The following DENND1B variants were observed in gnomAD, a reference collection of about 807,000 sequenced individuals.
DENND1B encodes the protein DENN domain containing 1B.
DENND1B carries 59 observed loss-of-function variants against 90.1 expected under a neutral mutation model. The observed-to-expected ratio is 0.65, with a 90% CI of 0.53 to 0.81. The LOEUF is 0.81. DENND1B is among the 40% of genes least tolerant of loss of function. The pLI is 0.00. For missense variants in DENND1B, 862 were observed against 912.6 expected, an observed-to-expected ratio of 0.94 and a Z score of 0.71; for synonymous variants, 337 against 324.6, an observed-to-expected ratio of 1.04 and a Z score of -0.41.
intron 10 of DENND1B, among the ~76,000 whole-genome samples, chr1:197,626,897 C>T (rs1471130775): frequency 2.0e-5 from 3 of 152,102 alleles, no homozygotes. Flanking sequence ...ATACTACAAA[C>T]ACCTCTACGC....
chr1:197,678,759 TC>T (rs1656346163), intron 3 of DENND1B, among the ~76,000 whole-genome samples: 1 of 152,150 alleles, frequency 6.6e-6, no homozygotes, highest in Non-Finnish European at 1.5e-5. Context: ...AGTGTTCTGC[TC>T]CCACTTATGA....
chr1:197,773,387 A>T (rs1656863545), intron 1 of DENND1B, among the ~76,000 whole-genome samples: 2 of 152,196 alleles, frequency 1.3e-5, no homozygotes, highest in Admixed American at 1.3e-4. Context: ...TCTCCAAAGG[A>T]CTTGCAATAT....
chr1:197,627,297 G>A (rs747569925), intron 10 of DENND1B, among the ~76,000 whole-genome samples: 3 of 152,176 alleles, frequency 2.0e-5, no homozygotes, highest in East Asian at 1.9e-4. Context: ...CTGGAAAACC[G>A]AATCCAGCAG....
chr1:197,584,575 G>T (rs1241575149), intron 14 of DENND1B, among the ~76,000 whole-genome samples: 1 of 152,024 alleles, frequency 6.6e-6, no homozygotes, highest in African/African-American at 2.4e-5. Context: ...AAGACAATTC[G>T]ATAAACTCTT....
intron 2 of DENND1B, among the ~76,000 whole-genome samples, chr1:197,766,956 G>A (rs540885366): frequency 4.0e-5 from 6 of 151,734 alleles, no homozygotes; most frequent in East Asian, 3.9e-4. Flanking sequence ...ACCACACCCC[G>A]CTAAATTTTG....
At chr1:197,582,854 A>G (rs1674364132) in intron 15 of DENND1B, among the ~76,000 whole-genome samples, 1 of 152,162 alleles carries the variant, frequency 6.6e-6, no homozygotes, top group Admixed American at 6.6e-5. Flanking sequence ...AACTTCTTCT[A>G]AGATGCCTTG....
Position 197,746,802 on chromosome 1 carries a change from C to CCCATG in DENND1B, c.82+26061_82+26065dup. 9 of 1,601,444 alleles carry CCCATG rather than the reference C, an allele frequency of 5.6e-6. No homozygotes were observed. In the South Asian group the frequency reaches 9.9e-5, roughly 18 times the overall value. On this transcript the variant is annotated intron_variant, in intron 2 of 22. Coordinates refer to ENST00000620048, the MANE Select transcript of DENND1B (RefSeq NM_001195215.2). ...TCCCATCTCTTCTTTGCTTCAAACC[C>CCCATG]CCATGCAAGTTTCTTCTTTTTGGGG...
At chr1:197,672,781 G>A (rs1231878779) in intron 4 of DENND1B, among the ~76,000 whole-genome samples, 1 of 152,038 alleles carries the variant, frequency 6.6e-6, no homozygotes, top group Non-Finnish European at 1.5e-5. Flanking sequence ...CAGCTAAGCT[G>A]TAAAGAATTC....
At chr1:197,776,174 G>T (rs1306477931), upstream of DENND1B, among the ~76,000 whole-genome samples, 1 of 152,130 alleles carries the variant, frequency 6.6e-6, no homozygotes, top group Non-Finnish European at 1.5e-5. Flanking sequence ...GCGTGGGAGG[G>T]ACTGATTTAC....
At chr1:197,535,710 C>T (rs1216208226) in intron 20 of DENND1B, among the ~76,000 whole-genome samples, 8 of 152,164 alleles carry the variant, frequency 5.3e-5, no homozygotes, top group African/African-American at 1.7e-4. Flanking sequence ...CCCCTGTTCA[C>T]CCCACTCACC....
intron 10 of DENND1B, among the ~76,000 whole-genome samples, chr1:197,633,355 T>C (rs541632810): frequency 6.6e-6 from 1 of 152,324 alleles, no homozygotes; most frequent in African/African-American, 2.4e-5. Context: ...CAGCTCCAAA[T>C]CTGCCCCTCA....
At chr1:197,742,860 T>C (rs1037457651) in intron 2 of DENND1B, among the ~76,000 whole-genome samples, 2 of 152,176 alleles carry the variant, frequency 1.3e-5, no homozygotes, top group African/African-American at 4.8e-5. Context: ...AGGGTGACAC[T>C]CTTGACAATG....
At chr1:197,548,882 T>C (rs1337233064) in intron 16 of DENND1B, among the ~76,000 whole-genome samples, 1 of 152,160 alleles carries the variant, frequency 6.6e-6, no homozygotes. Flanking sequence ...TGCTTCGATG[T>C]TATGAAAACA....
intron 15 of DENND1B, among the ~76,000 whole-genome samples, chr1:197,575,311 G>A (rs539067529): frequency 6.6e-6 from 1 of 152,158 alleles, no homozygotes; most frequent in Non-Finnish European, 1.5e-5. Context: ...CATTTATGCT[G>A]CCAACAGACA....
At chr1:197,525,857 T>C (rs1449893142) in intron 20 of DENND1B, among the ~76,000 whole-genome samples, 1 of 152,024 alleles carries the variant, frequency 6.6e-6, no homozygotes, top group Non-Finnish European at 1.5e-5. Flanking sequence ...CAAATAATAC[T>C]AGTTTTCAAA....
intron 16 of DENND1B, chr1:197,552,704 G>A: frequency 1.1e-5 from 12 of 1,101,414 alleles, no homozygotes; most frequent in Non-Finnish European, 1.3e-5. Context: ...TTCTAGCAGA[G>A]AATACTACTA....
At chr1:197,552,926 T>C (rs1265738429) in intron 16 of DENND1B, 96 bp downstream of exon 16, 1 of 1,529,884 alleles carries the variant, frequency 6.5e-7, no homozygotes, top group Non-Finnish European at 8.7e-7. Flanking sequence ...AGGAAATCAT[T>C]AGTTGTTTAT....
Position 197,505,935 on chromosome 1 carries a change from T to G in DENND1B, c.*4525A>C, listed in dbSNP as rs1667710107. On this transcript the variant is annotated 3_prime_UTR_variant, in exon 23 of 23. Coordinates refer to ENST00000620048, the MANE Select transcript of DENND1B (RefSeq NM_001195215.2). ...AAGTAACAGTATTGTCAATCTAATC[T>G]AAGGTACAGGATTTTCTTATTGCAT... The G allele has an allele frequency of 6.6e-6, 1 of 151,122 alleles. No individual in the cohort carries two copies. Among genetic ancestry groups the G allele is most frequent in the Admixed American group, 6.6e-5 (1 of 15,112 alleles). The allele number at this position is 151,122 out of a possible 1,614,324, so 9.4% of individuals were successfully genotyped here.
intron 2 of DENND1B, among the ~76,000 whole-genome samples, chr1:197,733,283 T>G (rs1019232399): frequency 6.6e-6 from 1 of 152,092 alleles, no homozygotes; most frequent in African/African-American, 2.4e-5. Context: ...CAAAAAAAAA[T>G]TAGAAATATG....
Sources: allele counts gnomAD v4.1 joint callset (sites outside exome capture counted in the v4.1 genomes callset), GRCh38; gene constraint gnomAD v4.1.1; transcripts MANE v1.5; gene names NCBI Gene and HGNC (gene_info 2026-07-23, HGNC 2026-07-21).